The following SIGLECL1 variants were observed in gnomAD, a reference collection of about 807,000 sequenced individuals.
SIGLECL1 encodes SIGLEC family like 1, also known as SIGLEC family-like protein 1.
Under a neutral mutation model 19.1 loss-of-function variants are expected in SIGLECL1, and 16 were observed. That is an observed-to-expected ratio of 0.84 (90% confidence interval 0.57 to 1.27). The LOEUF is 1.27. Ranked by LOEUF, SIGLECL1 falls within the 50% of genes most tolerant of loss-of-function variation. The probability of loss-of-function intolerance (pLI) is 0.00; values close to 1 mark genes in which losing one functional copy is unlikely to be tolerated. For missense variants in SIGLECL1, 210 were observed against 239.4 expected (o/e 0.88, Z 0.81); for synonymous variants, 89 against 90.4 (o/e 0.98, Z 0.09).
intron 4 of SIGLECL1, among the ~76,000 whole-genome samples, chr19:51,266,126 T>G (rs538943947): frequency 6.6e-6 from 1 of 152,262 alleles, no homozygotes; most frequent in African/African-American, 2.4e-5. Context: ...AAGAAGGGAC[T>G]TGGCAGCCCT....
At chr19:51,253,077 T>A (rs1337578007) in intron 1 of SIGLECL1, among the ~76,000 whole-genome samples, 1 of 151,310 alleles carries the variant, frequency 6.6e-6, no homozygotes, top group Non-Finnish European at 1.5e-5. Context: ...CAGTGAGCCA[T>A]GTTCATGCCA....
upstream of SIGLECL1, among the ~76,000 whole-genome samples, chr19:51,247,769 CA>C (rs1335125859): frequency 6.6e-6 from 1 of 152,194 alleles, no homozygotes; most frequent in Non-Finnish European, 1.5e-5. Flanking sequence ...TATCGCAAAG[CA>C]AAAGTACACC....
chr19:51,249,247 A>G (rs1017575106), upstream of SIGLECL1, among the ~76,000 whole-genome samples: 3 of 152,104 alleles, frequency 2.0e-5, no homozygotes, highest in African/African-American at 7.2e-5. Context: ...AAGCGAGGAA[A>G]AGCAGTTTAG....
chr19:51,249,127 G>A (rs373134130), upstream of SIGLECL1, among the ~76,000 whole-genome samples: 1 of 152,116 alleles, frequency 6.6e-6, no homozygotes, highest in Admixed American at 6.5e-5. Context: ...AGGGTCTGGG[G>A]ACCCAAGGGC....
chr19:51,249,440 C>T (rs999705517), upstream of SIGLECL1, among the ~76,000 whole-genome samples: 2 of 151,090 alleles, frequency 1.3e-5, no homozygotes, highest in Non-Finnish European at 2.9e-5. Flanking sequence ...GGAGGGTGAA[C>T]ATCATCCTTC....
intron 1 of SIGLECL1, among the ~76,000 whole-genome samples, chr19:51,258,094 C>T (rs930917196): frequency 2.0e-5 from 3 of 152,152 alleles, no homozygotes; most frequent in South Asian, 4.1e-4. Context: ...ACAGTAATCA[C>T]GAGTATAACA....
chr19:51,264,016 A>G lies in SIGLECL1; in HGVS notation c.-57A>G. On this transcript the variant is annotated 5_prime_UTR_variant, in exon 2 of 6. Coordinates refer to ENST00000601727, the MANE Select transcript of SIGLECL1 (RefSeq NM_001385465.1). ...TTCTGAACCATATGGTTCTGATGTC[A>G]GAGCCAGTGTAGTAAAGAGCTTCTG... The G allele has an allele frequency of 4.4e-6, 7 of 1,608,154 alleles. No homozygotes were observed. Among genetic ancestry groups the G allele is most frequent in the Non-Finnish European group, 5.1e-6 (6 of 1,175,580 alleles).
intron 1 of SIGLECL1, among the ~76,000 whole-genome samples, chr19:51,257,051 T>C (rs1217144949): frequency 6.6e-6 from 1 of 152,126 alleles, no homozygotes; most frequent in African/African-American, 2.4e-5. Flanking sequence ...TTGTGAAATA[T>C]TTCAGACATA....
In SIGLECL1 at chr19:51,254,523, G is replaced by A. The variant is rs150513100; in HGVS notation, c.-191+2978G>A. 2.6e-3 allele frequency among the ~76,000 whole-genome samples: 400 copies of A among 151,530 alleles called. 1 individual carries two copies. The highest frequency in any genetic ancestry group is 4.6e-3 in the Non-Finnish European group (314 of 67,874). ...CTTGAAAGCATGCTAAATGAAAGAA[G>A]CCAGACACAAAAGACCACATATTAT... On this transcript the variant is annotated intron_variant, in intron 1 of 5. Transcript: ENST00000601727.
intron 1 of SIGLECL1, among the ~76,000 whole-genome samples, chr19:51,255,701 C>G (rs568893715): frequency 6.6e-6 from 1 of 152,250 alleles, no homozygotes; most frequent in South Asian, 2.1e-4. Context: ...TGCCTGACAT[C>G]ACTAATCATC....
At chr19:51,258,885 C>T (rs1983001034) in intron 1 of SIGLECL1, among the ~76,000 whole-genome samples, 1 of 152,046 alleles carries the variant, frequency 6.6e-6, no homozygotes, top group African/African-American at 2.4e-5. Context: ...TTGAAGGTCC[C>T]CCATCAAGTC....
intron 1 of SIGLECL1, chr19:51,257,891 C>G (rs1358902595): frequency 2.0e-5 from 3 of 152,214 alleles, no homozygotes; most frequent in African/African-American, 7.2e-5. Flanking sequence ...ACACTGGACA[C>G]AAGGCTTGGG....
At chr19:51,247,761 T>C (rs1174285550), upstream of SIGLECL1, among the ~76,000 whole-genome samples, 1 of 152,178 alleles carries the variant, frequency 6.6e-6, no homozygotes, top group Non-Finnish European at 1.5e-5. Context: ...AAGAAGTTTA[T>C]CGCAAAGCAA....
intron 1 of SIGLECL1, among the ~76,000 whole-genome samples, chr19:51,262,466 T>G (rs1158448520): frequency 6.6e-6 from 1 of 152,252 alleles, no homozygotes; most frequent in Non-Finnish European, 1.5e-5. Flanking sequence ...AACCTAGGTT[T>G]CTTTCACTAG....
At chr19:51,254,348 G>T (rs567443150) in intron 1 of SIGLECL1, among the ~76,000 whole-genome samples, 12 of 148,922 alleles carry the variant, frequency 8.1e-5, no homozygotes, top group Admixed American at 2.0e-4. Flanking sequence ...AAAAAAAAAA[G>T]GATTGATTCA....
At chr19:51,254,448 C>T (rs1982680241) in intron 1 of SIGLECL1, among the ~76,000 whole-genome samples, 1 of 151,756 alleles carries the variant, frequency 6.6e-6, no homozygotes, top group Admixed American at 6.6e-5. Context: ...GAATATTATT[C>T]AACGATAACA....
rs1228533582 is a variant in SIGLECL1 at position 51,269,025 on chromosome 19, T to A, written c.*428T>A. 1 of 166,822 alleles carries A rather than the reference T, an allele frequency of 6.0e-6. No individual in the cohort carries two copies. Among genetic ancestry groups the A allele is most frequent in the Admixed American group, 5.6e-5 (1 of 17,762 alleles). 10.3% of individuals were successfully genotyped at this position (166,822 alleles called of 1,614,324 possible). A position where few individuals can be genotyped will look rare whatever the true frequency, so the allele number is the denominator to read the frequency against. On this transcript the variant is annotated 3_prime_UTR_variant, in exon 6 of 6. Transcript: ENST00000601727. ...CTTCATATCTGGATAGAATCCCAAC[T>A]TCAGTGCTTGGTGGCTGTCTATCTT...
At chr19:51,262,488 C>T (rs565070716) in intron 1 of SIGLECL1, among the ~76,000 whole-genome samples, 1 of 152,156 alleles carries the variant, frequency 6.6e-6, no homozygotes, top group Non-Finnish European at 1.5e-5. Context: ...TTAAATGAAA[C>T]ATCATTAAAA....
upstream of SIGLECL1, among the ~76,000 whole-genome samples, chr19:51,248,051 TTA>T (rs1260835186): frequency 1.3e-5 from 2 of 152,178 alleles, no homozygotes; most frequent in East Asian, 3.8e-4. Flanking sequence ...GCTTTTCTTT[TTA>T]ATGAAAAGCA....
Sources: gnomAD v4.1 joint callset for allele counts (sites outside exome capture counted in the v4.1 genomes callset) on GRCh38, gnomAD v4.1.1 for gene constraint, MANE v1.5 for transcripts, NCBI Gene and HGNC (gene_info 2026-07-23, HGNC 2026-07-21) for gene names.